NDRG4: variants seen among roughly 807,000 people sequenced by gnomAD.
NDRG4 encodes the protein NDRG family member 4, also known as protein NDRG4.
In NDRG4, 38 loss-of-function variants were observed where a neutral mutation model predicts 55.8. That is an observed-to-expected ratio of 0.68 (90% confidence interval 0.53 to 0.89). NDRG4 has a LOEUF of 0.89. NDRG4 is among the 40% of genes least tolerant of loss of function. The probability of loss-of-function intolerance (pLI) is 0.00; values close to 1 mark genes in which losing one functional copy is unlikely to be tolerated. For missense variants in NDRG4, 455 were observed against 468.6 expected, an observed-to-expected ratio of 0.97 and a Z score of 0.27; for synonymous variants, 190 against 182.7, an observed-to-expected ratio of 1.04 and a Z score of -0.32.
chr16:58,485,119 G>A (rs980905432), intron 1 of NDRG4, among the ~76,000 whole-genome samples: 9 of 151,954 alleles, frequency 5.9e-5, no homozygotes, highest in Admixed American at 3.3e-4. Flanking sequence ...TCCTGACCTC[G>A]TGATCCACCT....
chr16:58,503,622 AG>A, intron 1 of NDRG4, 175 bp from the exon 2 acceptor site: 1 of 1,259,508 alleles, frequency 7.9e-7, no homozygotes, highest in South Asian at 1.3e-5. Flanking sequence ...AGCCCTGAGA[AG>A]GGGTGTTCCA....
At chr16:58,515,385 C>G (rs138629337), downstream of NDRG4, 2,298 of 798,186 alleles carry the variant, frequency 2.9e-3, 21 homozygotes, top group Admixed American at 8.2e-3. Context: ...AAGATGTTTT[C>G]ATGAGGAACG....
chr16:58,482,715 TCCTC>T (rs199926068), intron 1 of NDRG4, among the ~76,000 whole-genome samples: 154 of 106,114 alleles, frequency 1.5e-3, no homozygotes, highest in Middle Eastern at 0.011. Flanking sequence ...CTCCTTTCCT[TCCTC>T]CCTCCCTCCC....
intron 5 of NDRG4, 82 bp downstream of exon 5, chr16:58,504,731 T>A: frequency 6.6e-7 from 1 of 1,514,114 alleles, no homozygotes; most frequent in Non-Finnish European, 9.2e-7. Flanking sequence ...GGGGAACCCT[T>A]CAGCCTTGAG....
At chr16:58,471,280 G>A (rs1435844743) in intron 1 of NDRG4, among the ~76,000 whole-genome samples, 1 of 140,914 alleles carries the variant, frequency 7.1e-6, no homozygotes, top group African/African-American at 2.7e-5. Context: ...GTGAATGTGT[G>A]CTGCTTTAAG....
Position 58,464,334 on chromosome 16 carries a change from C to A in NDRG4, c.-24+537C>A. ...TGCCGCTTCGCTCCGCGCTCTCCTG[C>A]CGCTCCGCTCCGGGTCTCCCGCGCT... is the stretch of plus-strand genomic sequence containing the variant. On this transcript the variant is annotated intron_variant, in intron 1 of 15. Coordinates refer to the NDRG4 transcript ENST00000258187. The surrounding 1 kb of genome is among the most constrained non-coding windows in gnomAD (Gnocchi z 4.8). 8.8e-7 allele frequency: 1 copy of A among 1,134,326 alleles called. No homozygotes were observed. The allele number at this position is 1,134,326 out of a possible 1,614,324, so 70.3% of individuals were successfully genotyped here.
At position 58,488,781 on chromosome 16, in the gene NDRG4, G is replaced by A. The variant is rs146125317; in HGVS notation, c.72+931G>A. On this transcript the variant is annotated intron_variant, in intron 2 of 15. Coordinates refer to the NDRG4 transcript ENST00000258187. ...GTCCTGCCCCCAGGAAGAGTACAGT[G>A]TTATCTTCCAGACAGAACCTTGAGT... Among the ~76,000 whole-genome samples, 586 of 152,338 alleles carry A rather than the reference G, an allele frequency of 3.8e-3. 2 individuals carry two copies. Among genetic ancestry groups the A allele is most frequent in the Non-Finnish European group, 5.8e-3 (393 of 68,036 alleles).
intron 14 of NDRG4, 29 bp from the exon 15 acceptor site, chr16:58,511,393 C>A: frequency 1.3e-6 from 2 of 1,579,662 alleles, no homozygotes; most frequent in Non-Finnish European, 1.7e-6. Context: ...GCCCGCCAGT[C>A]CTCAGGCCCA....
In NDRG4 at chr16:58,511,871, C is replaced by T. The variant is rs1472857190; in HGVS notation, c.*295C>T. On this transcript the variant is annotated 3_prime_UTR_variant, in exon 15 of 15. Transcript: ENST00000570248. ...GGGCCATAGGGAGGGAGATTCGCTACGGATCCAGGCCATTCCTGGGTGAGC... is the reference window on the plus strand; with the variant it reads ...GGGCCATAGGGAGGGAGATTCGCTATGGATCCAGGCCATTCCTGGGTGAGC... 5 of 469,552 alleles carry T rather than the reference C, an allele frequency of 1.1e-5. No homozygotes were observed. Among genetic ancestry groups the T allele is most frequent in the African/African-American group, 2.0e-5 (1 of 51,038 alleles). 29.1% of individuals were successfully genotyped at this position (469,552 alleles called of 1,614,324 possible).
chr16:58,503,747 A>G (rs978613351), intron 1 of NDRG4, 51 bp from the exon 2 acceptor site: 1 of 1,610,644 alleles, frequency 6.2e-7, no homozygotes, highest in East Asian at 2.2e-5. Context: ...TCCCCAGAGG[A>G]GCCAAGAGCG....
chr16:58,488,639 C>T (rs2151689229), intron 2 of NDRG4, among the ~76,000 whole-genome samples: 2 of 152,084 alleles, frequency 1.3e-5, no homozygotes, highest in East Asian at 3.9e-4. Context: ...GTAGTCTGCC[C>T]TGCCCTGCCT....
chr16:58,467,977 C>T (rs912309451), intron 1 of NDRG4, among the ~76,000 whole-genome samples: 1 of 152,180 alleles, frequency 6.6e-6, no homozygotes, highest in Non-Finnish European at 1.5e-5. Flanking sequence ...GTTGGGTTCT[C>T]ACAACAGTCC....
chr16:58,510,747 C>T, intron 14 of NDRG4, 64 bp downstream of exon 14: 1 of 1,431,424 alleles, frequency 7.0e-7, no homozygotes, highest in Non-Finnish European at 9.5e-7. Context: ...GCTCCTTCCT[C>T]TGCGCAGTGT....
chr16:58,500,470 G>C (rs1052117999), intron 1 of NDRG4: 1 of 645,988 alleles, frequency 1.5e-6, no homozygotes, highest in African/African-American at 1.9e-5. Context: ...GCTGGGGGCA[G>C]CTGCTAGTCA....
At chr16:58,485,824 ATATTT>A (rs1567585385) in intron 1 of NDRG4, among the ~76,000 whole-genome samples, 1 of 152,184 alleles carries the variant, frequency 6.6e-6, no homozygotes, top group African/African-American at 2.4e-5. Context: ...ATATTAAATA[ATATTT>A]TATTATTGAC....
chr16:58,488,234 G>A (rs934746315), intron 2 of NDRG4, among the ~76,000 whole-genome samples: 5 of 152,188 alleles, frequency 3.3e-5, no homozygotes, highest in African/African-American at 7.2e-5. Context: ...CTGCTCCTCC[G>A]TCTGTGCGCT....
chr16:58,504,073 T>G, intron 2 of NDRG4, 81 bp from the exon 3 acceptor site: 1 of 1,599,988 alleles, frequency 6.3e-7, no homozygotes, highest in South Asian at 1.1e-5. Context: ...CACTTCTGCC[T>G]TGCCTGCCCT....
chr16:58,496,090 A>C (rs1467515053), upstream of NDRG4, among the ~76,000 whole-genome samples: 1 of 152,228 alleles, frequency 6.6e-6, no homozygotes, highest in Non-Finnish European at 1.5e-5. Context: ...CAGAGCAGCC[A>C]GCCGGTGCCT....
chr16:58,511,774 TCA>T lies in NDRG4; in HGVS notation c.*200_*201del. On this transcript the variant is annotated 3_prime_UTR_variant, in exon 15 of 15. Coordinates refer to ENST00000570248, the MANE Select transcript of NDRG4 (RefSeq NM_001242835.2). ...GGGGCTCAGTCCTCCTCATCCCATCTCACTCTCCGTGGTAACTTAGCCAACTT... is the reference window on the plus strand; with the variant it reads ...GGGGCTCAGTCCTCCTCATCCCATCTCTCTCCGTGGTAACTTAGCCAACTT... The T allele has an allele frequency of 1.4e-6, 1 of 700,284 alleles. No individual in the cohort carries two copies. The highest frequency in any genetic ancestry group is 2.5e-6 in the Non-Finnish European group (1 of 402,580). 43.4% of individuals were successfully genotyped at this position (700,284 alleles called of 1,614,324 possible).
Sources: gnomAD v4.1 joint callset for allele counts (sites outside exome capture counted in the v4.1 genomes callset) on GRCh38, gnomAD v4.1.1 for gene constraint, Gnocchi (gnomAD v3.1) non-coding constraint, MANE v1.5 for transcripts, NCBI Gene and HGNC (gene_info 2026-07-23, HGNC 2026-07-21) for gene names.